FAM184A: variants seen among roughly 807,000 people sequenced by gnomAD.
FAM184A encodes family with sequence similarity 184 member A.
In FAM184A, 99 loss-of-function variants were observed where a neutral mutation model predicts 143.8. The ratio of observed to expected loss-of-function variants is 0.69; its 90% confidence interval spans 0.58 to 0.81. FAM184A has a LOEUF of 0.81. Among genes scored for constraint, FAM184A ranks in the 40% least tolerant of loss-of-function variants. FAM184A has a pLI of 0.00. For missense variants in FAM184A, 1,217 were observed against 1,310.5 expected (o/e 0.93, Z 1.10); for synonymous variants, 427 against 446.4 (o/e 0.96, Z 0.55).
In FAM184A at chr6:118,975,821, G is replaced by A. The variant is rs1056128652; in HGVS notation, c.2583+96C>T. The A allele has an allele frequency of 4.2e-6, 5 of 1,186,192 alleles. No individual in the cohort carries two copies. In the African/African-American group the frequency reaches 7.8e-5, roughly 19 times the overall value. 73.5% of individuals were successfully genotyped at this position (1,186,192 alleles called of 1,614,324 possible). A position where few individuals can be genotyped will look rare whatever the true frequency, so the allele number is the denominator to read the frequency against. The stretch of plus-strand genomic sequence containing the variant: ...ATATAAATAGAATGTGATAACTAGT[G>A]AAAATAAGTTATTACAAAATAATTT... On this transcript the variant is annotated intron_variant, in intron 12 of 17. Coordinates refer to ENST00000338891, the MANE Select transcript of FAM184A (RefSeq NM_024581.6).
intron 1 of FAM184A, among the ~76,000 whole-genome samples, chr6:119,105,586 T>C (rs1470539904): frequency 1.3e-5 from 2 of 152,192 alleles, no homozygotes; most frequent in Non-Finnish European, 2.9e-5. Context: ...AATTACTCAG[T>C]CTCACGTGGT....
At chr6:119,091,878 A>ATACAGTTGG (rs1041069346) in intron 1 of FAM184A, among the ~76,000 whole-genome samples, 1 of 152,202 alleles carries the variant, frequency 6.6e-6, no homozygotes, top group African/African-American at 2.4e-5. Flanking sequence ...CTTGGTGAGA[A>ATACAGTTGG]TGAGCCAATA....
intron 1 of FAM184A, among the ~76,000 whole-genome samples, chr6:119,142,918 A>G (rs1772295093): frequency 6.6e-6 from 1 of 152,200 alleles, no homozygotes; most frequent in African/African-American, 2.4e-5. Flanking sequence ...AAAGCACGCC[A>G]AGTGAGAACA....
intron 3 of FAM184A, among the ~76,000 whole-genome samples, 186 bp from the exon 4 acceptor site, chr6:119,020,345 AC>A (rs1402678940): frequency 6.6e-6 from 1 of 152,224 alleles, no homozygotes; most frequent in Non-Finnish European, 1.5e-5. Flanking sequence ...TTCTTAGCGC[AC>A]TAGAATAATT....
intron 1 of FAM184A, among the ~76,000 whole-genome samples, chr6:119,074,137 C>A (rs1787788266): frequency 6.6e-6 from 1 of 152,196 alleles, no homozygotes; most frequent in South Asian, 2.1e-4. Flanking sequence ...GCAACGGCTA[C>A]AAAAGCACTG....
upstream of FAM184A, among the ~76,000 whole-genome samples, chr6:119,080,362 T>C (rs1232111411): frequency 6.6e-6 from 1 of 152,212 alleles, no homozygotes; most frequent in Admixed American, 6.5e-5. Flanking sequence ...CCTGGTCCAC[T>C]GGTAATTCAC....
At chr6:118,988,493 T>C (rs1784260375) in intron 9 of FAM184A, among the ~76,000 whole-genome samples, 1 of 152,204 alleles carries the variant, frequency 6.6e-6, no homozygotes, top group African/African-American at 2.4e-5. Context: ...TTCAAAGCAT[T>C]ATGCCCACTT....
intron 1 of FAM184A, among the ~76,000 whole-genome samples, chr6:119,042,612 T>A (rs1245970270): frequency 1.3e-5 from 2 of 152,140 alleles, no homozygotes; most frequent in African/African-American, 4.8e-5. Context: ...CACAGAGGAT[T>A]TTTAGGGCAG....
At position 119,035,726 on chromosome 6, in the gene FAM184A, G is replaced by A. The variant is rs141777120; in HGVS notation, c.160-10913C>T. 1.4e-3 allele frequency among the ~76,000 whole-genome samples: 219 copies of A among 152,112 alleles called. 1 individual carries two copies. Among genetic ancestry groups the A allele is most frequent in the Admixed American group, 2.1e-3 (32 of 15,284 alleles). ...AACCCAGACACTCCTAGGTCTTTAG[G>A]TAACAACGCTTTTAACCAGCTGCCA... On this transcript the variant is annotated intron_variant, in intron 1 of 17. Coordinates refer to ENST00000338891, the MANE Select transcript of FAM184A (RefSeq NM_024581.6).
At chr6:118,965,717 A>G (rs549081301) in intron 15 of FAM184A, among the ~76,000 whole-genome samples, 124 of 152,318 alleles carry the variant, frequency 8.1e-4, no homozygotes, top group Admixed American at 3.0e-3. Context: ...ACCCTTGCCT[A>G]CAATCCTGGC....
intron 1 of FAM184A, among the ~76,000 whole-genome samples, chr6:119,136,284 CAAAA>C (rs11454485): frequency 1.5e-5 from 1 of 65,904 alleles, no homozygotes; most frequent in Admixed American, 2.0e-4. Context: ...GACTCCGTCT[CAAAA>C]AAAAAAAAAA....
chr6:119,100,004 T>A (rs540423760), intron 1 of FAM184A, among the ~76,000 whole-genome samples: 5 of 152,204 alleles, frequency 3.3e-5, no homozygotes, highest in Admixed American at 3.3e-4. Context: ...TGAGAAGTCT[T>A]GGGGACTGAG....
rs149990550 is a variant in FAM184A, at chr6:119,061,467, T to G, written c.159+16674A>C. Among the ~76,000 whole-genome samples, 1,175 of 151,190 alleles carry G rather than the reference T, an allele frequency of 7.8e-3. 15 individuals carry two copies. Among genetic ancestry groups the G allele is most frequent in the African/African-American group, 0.027 (1,099 of 41,194 alleles). ...AATTCCTGGACTCAAGCAATCCTCC[T>G]GCCTCAGCCTCCTAAGTATCTGGGA... On this transcript the variant is annotated intron_variant, in intron 1 of 17. Coordinates refer to ENST00000338891, the MANE Select transcript of FAM184A (RefSeq NM_024581.6).
chr6:118,994,736 A>G (rs6922959), intron 9 of FAM184A, among the ~76,000 whole-genome samples: 82,048 of 131,046 alleles, frequency 0.63, 23,064 homozygotes, highest in East Asian at 0.74. Flanking sequence ...TAAATAAATA[A>G]AAAGCCAGAG....
chr6:119,003,146 C>T (rs1784817415), intron 8 of FAM184A, 97 bp from the exon 9 acceptor site: 1 of 1,086,082 alleles, frequency 9.2e-7, no homozygotes, highest in Non-Finnish European at 1.3e-6. Context: ...AATTAATCCT[C>T]TTCAAAAGTC....
Position 119,032,605 on chromosome 6 carries a change from G to C in FAM184A, c.160-7792C>G, listed in dbSNP as rs201776347. Among the ~76,000 whole-genome samples the C allele has an allele frequency of 5.2e-4, 74 of 142,834 alleles. No homozygotes were observed. In the East Asian group the frequency reaches 0.015, roughly 30 times the overall value. 93.7% of individuals were successfully genotyped at this position (142,834 alleles called of 152,430 possible). On this transcript the variant is annotated intron_variant, in intron 1 of 17. Transcript: ENST00000338891. ...AGAGGAGGAGAAGAGCAGGAGAAGA[G>C]GGGGGAGAGGGAGGGGGAGGAGGAG...
At chr6:119,135,915 T>C (rs1789646843) in intron 1 of FAM184A, among the ~76,000 whole-genome samples, 1 of 151,716 alleles carries the variant, frequency 6.6e-6, no homozygotes, top group South Asian at 2.1e-4. Flanking sequence ...AGAATAGAAA[T>C]CTTATCAACT....
At chr6:119,083,776 A>C (rs1788138678) in intron 1 of FAM184A, among the ~76,000 whole-genome samples, 3 of 152,134 alleles carry the variant, frequency 2.0e-5, no homozygotes, top group Non-Finnish European at 4.4e-5. Context: ...GGAAGTTCCA[A>C]ACTTTCCCAC....
At chr6:119,128,186 C>T (rs1353134570) in intron 1 of FAM184A, among the ~76,000 whole-genome samples, 2 of 152,112 alleles carry the variant, frequency 1.3e-5, no homozygotes, top group African/African-American at 4.8e-5. Flanking sequence ...GGCTGCTAAC[C>T]CCTGGAAAAC....
Sources: gnomAD v4.1 joint callset for allele counts (sites outside exome capture counted in the v4.1 genomes callset) on GRCh38, gnomAD v4.1.1 for gene constraint, MANE v1.5 for transcripts, NCBI Gene and HGNC (gene_info 2026-07-23, HGNC 2026-07-21) for gene names.